The following MAPKAP1 variants were observed in gnomAD, a reference collection of about 807,000 sequenced individuals.
MAPKAP1 encodes the protein target of rapamycin complex 2 subunit MAPKAP1.
MAPKAP1 carries 20 observed loss-of-function variants against 65.7 expected under a neutral mutation model. The ratio of observed to expected loss-of-function variants is 0.30; its 90% CI spans 0.21 to 0.44. MAPKAP1 has a LOEUF of 0.44. MAPKAP1 is among the 20% of genes least tolerant of loss of function. The pLI is 1.00. For missense variants in MAPKAP1, 423 were observed against 648.0 expected (o/e 0.65, Z 3.77); for synonymous variants, 222 against 244.3 (o/e 0.91, Z 0.85).
chr9:125,589,571 T>A (rs1831891914), intron 4 of MAPKAP1, among the ~76,000 whole-genome samples: 1 of 152,222 alleles, frequency 6.6e-6, no homozygotes, highest in African/African-American at 2.4e-5. Flanking sequence ...TAGGTGAAAG[T>A]GGAGGGACTT....
intron 5 of MAPKAP1, among the ~76,000 whole-genome samples, chr9:125,565,016 T>C (rs867751916): frequency 1.2e-4 from 18 of 152,088 alleles, no homozygotes; most frequent in East Asian, 5.8e-4. Flanking sequence ...AATTGGAAGT[T>C]TGAACAACGA....
At chr9:125,683,024 T>A (rs1166820469) in intron 1 of MAPKAP1, among the ~76,000 whole-genome samples, 1 of 151,340 alleles carries the variant, frequency 6.6e-6, no homozygotes, top group Non-Finnish European at 1.5e-5. Flanking sequence ...AATGGTGCGA[T>A]CTCAGCTCAC....
chr9:125,677,026 A>G (rs1363731662), intron 1 of MAPKAP1, among the ~76,000 whole-genome samples: 1 of 152,246 alleles, frequency 6.6e-6, no homozygotes, highest in African/African-American at 2.4e-5. Flanking sequence ...ATATCAATGT[A>G]TAACAGCGTT....
At chr9:125,664,454 G>T (rs917859228) in intron 3 of MAPKAP1, among the ~76,000 whole-genome samples, 1 of 151,928 alleles carries the variant, frequency 6.6e-6, no homozygotes, top group Non-Finnish European at 1.5e-5. Context: ...GCTGGGTGTG[G>T]TGGCTCATGC....
chr9:125,604,108 C>G (rs1309061527), intron 4 of MAPKAP1, among the ~76,000 whole-genome samples: 3 of 152,180 alleles, frequency 2.0e-5, no homozygotes, highest in South Asian at 2.1e-4. Context: ...GACCAAACTG[C>G]CTTCTGGTTC....
At chr9:125,569,878 A>T (rs1351555125) in intron 5 of MAPKAP1, among the ~76,000 whole-genome samples, 3 of 152,278 alleles carry the variant, frequency 2.0e-5, no homozygotes, top group African/African-American at 7.2e-5. Flanking sequence ...TAAATATTTT[A>T]AAAGTAAAAT....
intron 10 of MAPKAP1, among the ~76,000 whole-genome samples, chr9:125,462,784 C>T (rs1853546971): frequency 6.6e-6 from 1 of 152,166 alleles, no homozygotes; most frequent in African/African-American, 2.4e-5. Context: ...ATTAAACCAT[C>T]AAATACCCTT....
chr9:125,444,608 C>G lies in MAPKAP1; in HGVS notation c.1346-10G>C, dbSNP rs368328062. 1.9e-6 allele frequency: 3 copies of G among 1,602,414 alleles called. No homozygotes were observed. The highest frequency in any genetic ancestry group is 2.7e-5 in the African/African-American group (2 of 74,576). ...TTAAATATTGCGTGACCTGCAGAGA[C>G]AGAAAACTGTGTTGAGGGGTTCTGG... On this transcript the variant is annotated splice_polypyrimidine_tract_variant and intron_variant, in intron 10 of 11. Transcript: ENST00000265960.
intron 4 of MAPKAP1, among the ~76,000 whole-genome samples, chr9:125,654,907 G>A (rs555679920): frequency 1.3e-5 from 2 of 152,232 alleles, no homozygotes; most frequent in Admixed American, 1.3e-4. Flanking sequence ...ACATAATTAA[G>A]TAGTTTTTTA....
intron 3 of MAPKAP1, among the ~76,000 whole-genome samples, chr9:125,667,649 C>T (rs939147011): frequency 1.3e-5 from 2 of 152,122 alleles, no homozygotes; most frequent in African/African-American, 4.8e-5. Flanking sequence ...CTGGCCTCAA[C>T]TGATCTGCCA....
intron 1 of MAPKAP1, among the ~76,000 whole-genome samples, chr9:125,673,426 A>G (rs919571607): frequency 1.3e-4 from 20 of 152,190 alleles, no homozygotes; most frequent in African/African-American, 4.6e-4. Context: ...GGGTTTCTCC[A>G]TGTTGGTCAG....
intron 4 of MAPKAP1, among the ~76,000 whole-genome samples, chr9:125,594,212 T>A (rs1217327203): frequency 1.3e-5 from 2 of 152,202 alleles, no homozygotes; most frequent in African/African-American, 4.8e-5. Context: ...AATCTTTCTT[T>A]CCTTATTGCC....
chr9:125,699,803 CA>C (rs1354355953), intron 1 of MAPKAP1, among the ~76,000 whole-genome samples: 1 of 151,850 alleles, frequency 6.6e-6, no homozygotes, highest in East Asian at 1.9e-4. Flanking sequence ...TTTGTAGAGA[CA>C]GGGTTTCATT....
chr9:125,479,832 C>T (rs376398979), intron 9 of MAPKAP1, among the ~76,000 whole-genome samples: 1 of 152,150 alleles, frequency 6.6e-6, no homozygotes, highest in Non-Finnish European at 1.5e-5. Flanking sequence ...TGGGCAAATG[C>T]CACACACTTA....
intron 5 of MAPKAP1, chr9:125,565,481 T>C (rs1028757889): frequency 1.1e-5 from 2 of 175,716 alleles, no homozygotes; most frequent in Non-Finnish European, 1.4e-5. Flanking sequence ...AAAGAGCACA[T>C]GATTTTTAAA....
At chr9:125,469,379 CCAAA>C (rs748049135) in intron 9 of MAPKAP1, among the ~76,000 whole-genome samples, 19 of 152,068 alleles carry the variant, frequency 1.2e-4, no homozygotes, top group Non-Finnish European at 1.9e-4. Context: ...CACACACACC[CCAAA>C]CACAGTCTGA....
intron 1 of MAPKAP1, among the ~76,000 whole-genome samples, chr9:125,689,060 A>G (rs1835075427): frequency 6.6e-6 from 1 of 152,212 alleles, no homozygotes; most frequent in Non-Finnish European, 1.5e-5. Context: ...GGTTAGGCGT[A>G]TAAAGTGCTA....
intron 4 of MAPKAP1, among the ~76,000 whole-genome samples, chr9:125,657,266 T>G (rs1161966129): frequency 6.6e-6 from 1 of 152,028 alleles, no homozygotes; most frequent in Non-Finnish European, 1.5e-5. Flanking sequence ...CACATATATA[T>G]TTCTCTCTCC....
chr9:125,599,197 T>G (rs940113298), intron 4 of MAPKAP1, among the ~76,000 whole-genome samples: 2 of 152,170 alleles, frequency 1.3e-5, no homozygotes, highest in African/African-American at 4.8e-5. Context: ...CTTTTGAAAC[T>G]ACAAGAAATC....
Sources: allele counts gnomAD v4.1 joint callset (sites outside exome capture counted in the v4.1 genomes callset), GRCh38; gene constraint gnomAD v4.1.1; transcripts MANE v1.5; gene names NCBI Gene and HGNC (gene_info 2026-07-23, HGNC 2026-07-21).